Variants in PHF3 observed in about 807,000 individuals in gnomAD.
PHF3 encodes the protein PHD finger protein 3.
PHF3 carries 41 observed loss-of-function variants against 178.4 expected under a neutral mutation model. The ratio of observed to expected loss-of-function variants is 0.23; its 90% CI spans 0.18 to 0.30. PHF3 has a LOEUF of 0.30. Among genes scored for constraint, PHF3 ranks in the 10% least tolerant of loss-of-function variants. The pLI, the probability that PHF3 is intolerant of heterozygous loss-of-function variation, is 1.00. For missense variants in PHF3, 2,346 were observed against 2,398.1 expected, an observed-to-expected ratio of 0.98 and a Z score of 0.45; for synonymous variants, 842 against 800.5, an observed-to-expected ratio of 1.05 and a Z score of -0.88.
At chr6:63,646,377 C>A (rs750875574) in intron 1 of PHF3, 150 bp from the exon 2 acceptor site, 29 of 492,276 alleles carry the variant, frequency 5.9e-5, no homozygotes, top group Non-Finnish European at 9.1e-5. Context: ...AATGTATATT[C>A]TAAAAACAAG....
chr6:63,680,934 T>C (rs1766408242), intron 3 of PHF3, among the ~76,000 whole-genome samples: 1 of 152,106 alleles, frequency 6.6e-6, no homozygotes. Flanking sequence ...TTGTAGTTCC[T>C]ATTTCCTCTT....
intron 2 of PHF3, among the ~76,000 whole-genome samples, chr6:63,655,132 C>G (rs573475435): frequency 6.6e-6 from 1 of 152,036 alleles, no homozygotes; most frequent in Non-Finnish European, 1.5e-5. Context: ...GACACTATCT[C>G]AGCTCACTGC....
intron 6 of PHF3, among the ~76,000 whole-genome samples, chr6:63,696,702 A>G (rs1481996765): frequency 6.6e-6 from 1 of 152,338 alleles, no homozygotes; most frequent in Non-Finnish European, 1.5e-5. Flanking sequence ...AGGAGAACTG[A>G]GACTGGTGGC....
chr6:63,712,094 G>T lies in PHF3; in HGVS notation c.4506G>T (p.Gln1502His). ...TVKEIPFLNEQTNSKIEKTDN... is the reference protein window; with the variant it reads ...TVKEIPFLNEHTNSKIEKTDN... ...AAGAAATTCCATTTTTAAATGAGCAGACCAACTCAAAAATAGAGAAAACAG... is the reference window on the plus strand; with the variant it reads ...AAGAAATTCCATTTTTAAATGAGCATACCAACTCAAAAATAGAGAAAACAG... The change falls in exon 16 of 16, where the codon CAG becomes CAT. Residue 1502 changes from glutamine to histidine, a missense_variant. Transcript: ENST00000262043. The T allele has an allele frequency of 1.2e-6, 2 of 1,613,646 alleles. No homozygotes were observed. Among genetic ancestry groups the T allele is most frequent in the South Asian group, 1.1e-5 (1 of 91,056 alleles).
chr6:63,703,455 A>G, intron 10 of PHF3, 81 bp from the exon 11 acceptor site: 1 of 1,412,392 alleles, frequency 7.1e-7, no homozygotes, highest in Non-Finnish European at 9.6e-7. Flanking sequence ...AGGAAAATAT[A>G]AATGGAAAAT....
intron 1 of PHF3, among the ~76,000 whole-genome samples, chr6:63,641,250 A>G (rs1008325862): frequency 6.6e-6 from 1 of 152,156 alleles, no homozygotes; most frequent in African/African-American, 2.4e-5. Flanking sequence ...TTATGCATTG[A>G]TCACTACCTC....
At chr6:63,711,484 C>A in intron 15 of PHF3, 102 bp from the exon 16 acceptor site, 1 of 1,343,410 alleles carries the variant, frequency 7.4e-7, no homozygotes, top group Non-Finnish European at 1.0e-6. Flanking sequence ...TTGACAGGGC[C>A]AGGCACCATT....
intron 2 of PHF3, among the ~76,000 whole-genome samples, chr6:63,649,060 A>G (rs1241629977): frequency 6.6e-6 from 1 of 151,554 alleles, no homozygotes; most frequent in Non-Finnish European, 1.5e-5. Context: ...GATTTAAGAG[A>G]TAATTGCAAA....
At chr6:63,708,200 T>C (rs970675056) in intron 13 of PHF3, among the ~76,000 whole-genome samples, 6 of 152,172 alleles carry the variant, frequency 3.9e-5, no homozygotes, top group African/African-American at 1.4e-4. Flanking sequence ...AACAGACTAA[T>C]CACTTTTATA....
chr6:63,672,335 G>A (rs1561954996), intron 2 of PHF3, among the ~76,000 whole-genome samples: 1 of 152,174 alleles, frequency 6.6e-6, no homozygotes, highest in African/African-American at 2.4e-5. Context: ...TATTAACAGA[G>A]TGTATACTTT....
Position 63,685,602 on chromosome 6 carries a change from G to A in PHF3, c.1880G>A (p.Cys627Tyr), listed in dbSNP as rs1481146738. 12 of 1,613,962 alleles carry A rather than the reference G, an allele frequency of 7.4e-6. 1 individual carries two copies. The Admixed American group carries it at 1.2e-4, about 16-fold the overall frequency. ...GHVSHSSQKQCHKPQQQAPAM... is the reference protein window; with the variant it reads ...GHVSHSSQKQYHKPQQQAPAM... ...GTATCACATTCTAGCCAGAAACAGTGTCATAAGCCTCAGCAACAGGCCCCA... is the reference window on the plus strand; with the variant it reads ...GTATCACATTCTAGCCAGAAACAGTATCATAAGCCTCAGCAACAGGCCCCA... Residue 627 changes from cysteine to tyrosine, a missense_variant, in exon 4 of 16, where the codon TGT becomes TAT. By Grantham distance (194) the Cys-to-Tyr change is radical. Coordinates refer to ENST00000262043, the MANE Select transcript of PHF3 (RefSeq NM_001370348.2).
At chr6:63,706,614 C>A in intron 12 of PHF3, 115 bp from the exon 13 acceptor site, 1 of 791,592 alleles carries the variant, frequency 1.3e-6, no homozygotes, top group South Asian at 1.9e-5. Context: ...AACTCTTTGT[C>A]AATAGCCTCA....
At chr6:63,654,677 A>G (rs1307613156) in intron 2 of PHF3, among the ~76,000 whole-genome samples, 1 of 152,152 alleles carries the variant, frequency 6.6e-6, no homozygotes, top group African/African-American at 2.4e-5. Flanking sequence ...TGACTTCTTT[A>G]TGAATAAAAG....
chr6:63,719,783 AGT>A lies in PHF3; in HGVS notation c.*6076_*6077del, dbSNP rs1768301738. Among the ~76,000 whole-genome samples the A allele has an allele frequency of 6.6e-6, 1 of 152,096 alleles. No individual in the cohort carries two copies. The highest frequency in any genetic ancestry group is 6.6e-5 in the Admixed American group (1 of 15,236). ...TTTTTTAATTTGATCAGTTAATATG[AGT>A]ACATGGTTTTAAAAAGTCAAATAGT... On this transcript the variant is annotated 3_prime_UTR_variant, in exon 16 of 16. Coordinates refer to ENST00000262043, the MANE Select transcript of PHF3 (RefSeq NM_001370348.2).
chr6:63,705,856 C>T (rs917271573), intron 11 of PHF3, among the ~76,000 whole-genome samples, 173 bp from the exon 12 acceptor site: 1 of 152,106 alleles, frequency 6.6e-6, no homozygotes, highest in Non-Finnish European at 1.5e-5. Context: ...TCTGCTGATT[C>T]TTAAATGTGG....
Position 63,685,577 on chromosome 6 carries a change from G to A in PHF3, c.1855G>A (p.Val619Ile). The A allele has an allele frequency of 1.9e-6, 3 of 1,614,114 alleles. No individual in the cohort carries two copies. Among genetic ancestry groups the A allele is most frequent in the Non-Finnish European group, 2.5e-6 (3 of 1,180,022 alleles). Residue 619 changes from valine to isoleucine, a missense_variant, in exon 4 of 16, where the codon GTA (valine) becomes ATA (isoleucine). Val to Ile is a conservative substitution (Grantham distance 29). This residue lies in a region of PHF3 where 843 missense variants were observed against 795.2 expected (regional missense o/e 1.06). Coordinates refer to ENST00000262043, the MANE Select transcript of PHF3 (RefSeq NM_001370348.2). ...TCATCATCCTGCACAAACTGGACAT[G>A]TATCACATTCTAGCCAGAAACAGTG... ...EPHHPAQTGHVSHSSQKQCHK... is the reference protein window; with the variant it reads ...EPHHPAQTGHISHSSQKQCHK...
chr6:63,650,189 A>G (rs992946315), intron 2 of PHF3, among the ~76,000 whole-genome samples: 1 of 152,204 alleles, frequency 6.6e-6, no homozygotes, highest in African/African-American at 2.4e-5. Context: ...TGAGCCTTTC[A>G]TTCAGATAGC....
rs1331225460 is a variant in PHF3, at chr6:63,722,132, C to T, written c.*8424C>T. On this transcript the variant is annotated 3_prime_UTR_variant, in exon 16 of 16. Transcript: ENST00000262043. ...TTTAATGGCATTCACTATTGTCAGG[C>T]TAGGTACCTATAAATTCTCTGCACA... Among the ~76,000 whole-genome samples the T allele has an allele frequency of 1.3e-5, 2 of 152,162 alleles. No homozygotes were observed. The highest frequency in any genetic ancestry group is 2.9e-5 in the Non-Finnish European group (2 of 68,020).
chr6:63,646,884 C>CTTTTTTTTT (rs745751113), intron 2 of PHF3, 89 bp downstream of exon 2: 2 of 596,550 alleles, frequency 3.4e-6, no homozygotes, highest in Admixed American at 1.1e-4. Context: ...TTCTTTTTTT[C>CTTTTTTTTT]TTTTTTTTTT....
Sources: gnomAD v4.1 joint callset for allele counts (sites outside exome capture counted in the v4.1 genomes callset) on GRCh38, gnomAD v4.1.1 for gene constraint, gnomAD v4.1.1 regional missense constraint, MANE v1.5 for transcripts, NCBI Gene and HGNC (gene_info 2026-07-23, HGNC 2026-07-21) for gene names.